SHLD1: variants seen among roughly 807,000 people sequenced by gnomAD.
The protein encoded by SHLD1 is shieldin complex subunit 1.
In SHLD1, 3 loss-of-function variants were observed where a neutral mutation model predicts 5.5. The observed-to-expected ratio is 0.54, with a 90% CI of 0.25 to 1.40. The LOEUF is 1.40. Ranked by LOEUF, SHLD1 falls within the 40% of genes most tolerant of loss-of-function variation. The pLI is 0.15. For missense variants in SHLD1, 210 were observed against 244.4 expected (o/e 0.86, Z 0.94); for synonymous variants, 92 against 94.3 (o/e 0.98, Z 0.14).
At chr20:5,778,173 G>C (rs1985523395) in intron 2 of SHLD1, among the ~76,000 whole-genome samples, 1 of 145,380 alleles carries the variant, frequency 6.9e-6, no homozygotes, top group African/African-American at 2.5e-5. Context: ...CTGGAGTGCA[G>C]TGGCGCGATC....
chr20:5,829,942 G>A (rs957794051), intron 2 of SHLD1, among the ~76,000 whole-genome samples: 1 of 152,134 alleles, frequency 6.6e-6, no homozygotes, highest in Non-Finnish European at 1.5e-5. Flanking sequence ...CAATAGAATG[G>A]TTTGGGAGTC....
chr20:5,767,277 G>T lies in SHLD1; in HGVS notation c.-4-5585G>T, dbSNP rs1984891582. Among the ~76,000 whole-genome samples, 3 of 151,974 alleles carry T rather than the reference G, an allele frequency of 2.0e-5. No homozygotes were observed. The South Asian group carries it at 6.2e-4, about 32-fold the overall frequency. ...GCCTCCCGAGTTGCTGGGACTACAG[G>T]CATGCACCACTCTGCCTGGCTAACA... On this transcript the variant is annotated intron_variant, in intron 1 of 2. Coordinates refer to ENST00000303142, the MANE Select transcript of SHLD1 (RefSeq NM_152504.4).
intron 2 of SHLD1, among the ~76,000 whole-genome samples, chr20:5,832,089 C>T (rs1600163753): frequency 1.3e-5 from 2 of 152,214 alleles, no homozygotes; most frequent in Non-Finnish European, 2.9e-5. Context: ...TACAAGCGCG[C>T]ACCACTGCGC....
At chr20:5,827,888 C>T (rs1474289929) in intron 2 of SHLD1, among the ~76,000 whole-genome samples, 1 of 87,064 alleles carries the variant, frequency 1.1e-5, no homozygotes, top group Non-Finnish European at 3.6e-5. Flanking sequence ...TAGACCAGAT[C>T]ATTCACTCTT....
intron 2 of SHLD1, among the ~76,000 whole-genome samples, chr20:5,813,361 G>A (rs566299379): frequency 1.3e-5 from 2 of 152,232 alleles, no homozygotes; most frequent in South Asian, 2.1e-4. Context: ...GTGGTGGCAC[G>A]TGCCTGTAGT....
At chr20:5,785,318 A>G (rs1186830356) in intron 2 of SHLD1, among the ~76,000 whole-genome samples, 1 of 152,162 alleles carries the variant, frequency 6.6e-6, no homozygotes, top group Non-Finnish European at 1.5e-5. Flanking sequence ...CACACCCAAG[A>G]AGTAAATCCT....
At chr20:5,861,214 A>T (rs1423187543) in intron 2 of SHLD1, among the ~76,000 whole-genome samples, 2 of 152,204 alleles carry the variant, frequency 1.3e-5, no homozygotes, top group African/African-American at 4.8e-5. Flanking sequence ...ATTGCAGGTC[A>T]CCTCCTCTGA....
chr20:5,777,163 A>ATT (rs1395946516), intron 2 of SHLD1, among the ~76,000 whole-genome samples: 1 of 151,860 alleles, frequency 6.6e-6, no homozygotes, highest in African/African-American at 2.4e-5. Flanking sequence ...TAATATTTAT[A>ATT]TTTTTAGTAG....
chr20:5,829,927 A>T (rs1188551816), intron 2 of SHLD1, among the ~76,000 whole-genome samples: 4 of 152,126 alleles, frequency 2.6e-5, no homozygotes, highest in Non-Finnish European at 5.9e-5. Context: ...TTTTTAAGGT[A>T]GATGCAATAG....
intron 1 of SHLD1, chr20:5,772,140 T>C (rs1443836880): frequency 6.7e-6 from 3 of 450,804 alleles, no homozygotes; most frequent in Admixed American, 4.8e-5. Context: ...CCTCCCAAAG[T>C]GCTGGGATTA....
In SHLD1 at chr20:5,855,285, C is replaced by T. The variant is rs945311492; in HGVS notation, c.179-7739C>T. On this transcript the variant is annotated intron_variant, in intron 2 of 2. Transcript: ENST00000303142. The surrounding 1 kb of genome is among the most constrained non-coding windows in gnomAD (Gnocchi z 4.4). ...CACTTAGCATAATGTCCTCAGGGTT[C>T]GTTCATGTTGTAGCGTGTGTCACAG... is the stretch of plus-strand genomic sequence containing the variant. 2.6e-5 allele frequency among the ~76,000 whole-genome samples: 4 copies of T among 152,100 alleles called. No homozygotes were observed. Among genetic ancestry groups the T allele is most frequent in the Non-Finnish European group, 4.4e-5 (3 of 68,016 alleles).
rs1568528971 is a variant in SHLD1, at chr20:5,844,789, A to ATTTTTTT, written c.179-18234_179-18233insTTTTTTT. ...AGTAGACATATATATATATATATAT[A>ATTTTTTT]TATATATATATTTTTTTTTTTTTGA... On this transcript the variant is annotated intron_variant, in intron 2 of 2. Coordinates refer to ENST00000303142, the MANE Select transcript of SHLD1 (RefSeq NM_152504.4). Among the ~76,000 whole-genome samples, 6 of 100,238 alleles carry ATTTTTTT rather than the reference A, an allele frequency of 6.0e-5. No homozygotes were observed. In the East Asian group the frequency reaches 1.4e-3, roughly 23 times the overall value. The allele number at this position is 100,238 out of a possible 152,430, so 65.8% of individuals were successfully genotyped here. A position where few individuals can be genotyped will look rare whatever the true frequency, so the allele number is the denominator to read the frequency against.
intron 1 of SHLD1, among the ~76,000 whole-genome samples, chr20:5,771,692 A>G (rs901097513): frequency 1.3e-5 from 2 of 149,190 alleles, no homozygotes; most frequent in African/African-American, 2.5e-5. Context: ...TCGGCTCACT[A>G]CAACCTCCGT....
chr20:5,862,986 T>C, intron 2 of SHLD1, 38 bp from the exon 3 acceptor site: 1 of 1,509,576 alleles, frequency 6.6e-7, no homozygotes, highest in Admixed American at 2.2e-5. Context: ...ATATTTTTGA[T>C]TGTGTGTTTG....
At chr20:5,782,372 A>G (rs891125595) in intron 2 of SHLD1, among the ~76,000 whole-genome samples, 7 of 152,186 alleles carry the variant, frequency 4.6e-5, no homozygotes, top group African/African-American at 1.7e-4. Context: ...CATGTGGCGT[A>G]TCTCACCTGC....
chr20:5,774,870 C>T (rs1364325473), intron 2 of SHLD1, among the ~76,000 whole-genome samples: 1 of 152,126 alleles, frequency 6.6e-6, no homozygotes, highest in African/African-American at 2.4e-5. Context: ...TATCCTTTTC[C>T]TTTCTAGACT....
chr20:5,791,563 CAAAAA>C (rs34606715), intron 2 of SHLD1, among the ~76,000 whole-genome samples: 2 of 61,018 alleles, frequency 3.3e-5, no homozygotes, highest in East Asian at 4.7e-4. Flanking sequence ...GACCCTGTCT[CAAAAA>C]AAAAAAAAAA....
intron 2 of SHLD1, among the ~76,000 whole-genome samples, chr20:5,835,271 G>A (rs2087776400): frequency 6.6e-6 from 1 of 152,144 alleles, no homozygotes; most frequent in South Asian, 2.1e-4. Context: ...ATGGTGATTT[G>A]GGATTGTTCT....
intron 2 of SHLD1, among the ~76,000 whole-genome samples, chr20:5,835,290 C>T (rs2087776483): frequency 6.6e-6 from 1 of 152,190 alleles, no homozygotes; most frequent in Non-Finnish European, 1.5e-5. Context: ...CTTTCACATT[C>T]AAAGCTAGGG....
Sources: allele counts gnomAD v4.1 joint callset (sites outside exome capture counted in the v4.1 genomes callset), GRCh38; gene constraint gnomAD v4.1.1; non-coding constraint Gnocchi (gnomAD v3.1); transcripts MANE v1.5; gene names NCBI Gene and HGNC (gene_info 2026-07-23, HGNC 2026-07-21).